TUBG1: variants seen among roughly 807,000 people sequenced by gnomAD.
The protein encoded by TUBG1 is tubulin gamma 1.
In TUBG1, 22 loss-of-function variants were observed where a neutral mutation model predicts 53.3. That is an observed-to-expected ratio of 0.41 (90% CI 0.29 to 0.59). The LOEUF is 0.59. TUBG1 is among the 20% of genes least tolerant of loss of function. The pLI is 0.26. For synonymous variants in TUBG1, 198 were observed against 236.7 expected (o/e 0.84, Z 1.50); for missense variants, 217 against 598.9 (o/e 0.36, Z 6.66).
rs566152592 is a variant in TUBG1, at chr17:42,614,942, T to C, written c.1257T>C (p.Asp419=). 1.2e-6 allele frequency: 2 copies of C among 1,614,198 alleles called. No individual in the cohort carries two copies. The highest frequency in any genetic ancestry group is 2.7e-5 in the African/African-American group (2 of 75,058). The change falls in exon 11 of 11, where the codon GAT becomes GAC. Residue 419 remains aspartate (D), a synonymous_variant. Coordinates refer to ENST00000251413, the MANE Select transcript of TUBG1 (RefSeq NM_001070.5). The surrounding 1 kb of genome is among the most constrained non-coding windows in gnomAD (Gnocchi z 5.1). ...AGGACATGTTCAAGGACAACTTTGA[T>C]GAGATGGACACATCCAGGGAGATTG... The part of the protein sequence containing the change: ...RKEDMFKDNF[D]EMDTSREIVQ...
rs772479503 is a variant in TUBG1, at chr17:42,609,711, G to C, written c.-27G>C. On this transcript the variant is annotated 5_prime_UTR_variant, in exon 1 of 11. Coordinates refer to ENST00000251413, the MANE Select transcript of TUBG1 (RefSeq NM_001070.5). ...GTGCGGCGCCGTTGCGGGCGGGAGC[G>C]GCTGCAACGCCGGTGCCTGAGGAGC... 7.1e-6 allele frequency: 11 copies of C among 1,543,384 alleles called. No individual in the cohort carries two copies. The African/African-American group carries it at 1.4e-4, about 19-fold the overall frequency.
chr17:42,611,965 C>A, intron 3 of TUBG1, 110 bp from the exon 4 acceptor site: 1 of 920,956 alleles, frequency 1.1e-6, no homozygotes, highest in Non-Finnish European at 1.7e-6. Flanking sequence ...GGTAGCTATG[C>A]TCCATAAAAG....
In TUBG1 at chr17:42,612,995, C is replaced by T. The variant is rs143200134; in HGVS notation, c.528C>T (p.Asp176=). 3.1e-6 allele frequency: 5 copies of T among 1,614,138 alleles called. No homozygotes were observed. The highest frequency in any genetic ancestry group is 3.3e-5 in the Admixed American group (2 of 60,008). ...CATACTCAGTGTTTCCCAACCAGGA[C>T]GAGATGAGCGATGTGGTGGTCCAGC... ...VQTYSVFPNQ[D]EMSDVVVQPY... The change falls in exon 6 of 11, where the codon GAC becomes GAT. Residue 176 remains aspartate (D), a synonymous_variant. Transcript: ENST00000251413.
chr17:42,611,955 G>A (rs2052037205), intron 3 of TUBG1, 120 bp from the exon 4 acceptor site: 1 of 814,452 alleles, frequency 1.2e-6, no homozygotes, highest in Non-Finnish European at 2.0e-6. Context: ...GATAAAAGCA[G>A]GTAGCTATGC....
At chr17:42,612,734 A>G (rs1326926813) in intron 5 of TUBG1, among the ~76,000 whole-genome samples, 1 of 152,124 alleles carries the variant, frequency 6.6e-6, no homozygotes, top group African/African-American at 2.4e-5. Context: ...GAGTGTGGCC[A>G]GGTCTCAATT....
rs755266379 is a variant in TUBG1, at chr17:42,612,107, C to T, written c.363C>T (p.Ile121=). ...GEKIHEDIFD[I]IDREADGSDS... ...AGATCCATGAGGACATTTTTGACAT[C>T]ATAGACCGGGAGGCAGATGGTAGTG... The change falls in exon 4 of 11, where the codon ATC becomes ATT. Residue 121 remains isoleucine, a synonymous_variant. Coordinates refer to ENST00000251413, the MANE Select transcript of TUBG1 (RefSeq NM_001070.5). 22 of 1,613,962 alleles carry T rather than the reference C, an allele frequency of 1.4e-5. No homozygotes were observed. The highest frequency in any genetic ancestry group is 1.8e-5 in the Non-Finnish European group (21 of 1,179,976).
chr17:42,614,169 C>T lies in TUBG1; in HGVS notation c.844-91C>T. On this transcript the variant is annotated intron_variant, in intron 8 of 10. Transcript: ENST00000251413. The surrounding 1 kb of genome is among the most constrained non-coding windows in gnomAD (Gnocchi z 5.1). The stretch of plus-strand genomic sequence containing the variant: ...ACTTTCTTGCTGACTTGCTCTCCAC[C>T]CTCCCTCTGCCTTTGGCTTCTGCCA... 2.7e-5 allele frequency: 43 copies of T among 1,598,308 alleles called. No individual in the cohort carries two copies. The highest frequency in any genetic ancestry group is 3.7e-5 in the Non-Finnish European group (43 of 1,170,142).
chr17:42,609,737 G>T lies in TUBG1; in HGVS notation c.-1G>T. Reference sequence around the variant, plus strand: ...GCTGCAACGCCGGTGCCTGAGGAGCGATGCCGAGGGAAATCATCACCCTAC... The same window carrying T: ...GCTGCAACGCCGGTGCCTGAGGAGCTATGCCGAGGGAAATCATCACCCTAC... On this transcript the variant is annotated 5_prime_UTR_variant, in exon 1 of 11. Coordinates refer to ENST00000251413, the MANE Select transcript of TUBG1 (RefSeq NM_001070.5). 1 of 1,550,432 alleles carries T rather than the reference G, an allele frequency of 6.4e-7. No individual in the cohort carries two copies. The highest frequency in any genetic ancestry group is 8.7e-7 in the Non-Finnish European group (1 of 1,146,502).
intron 4 of TUBG1, 31 bp downstream of exon 4, chr17:42,612,174 G>A (rs199948228): frequency 5.6e-5 from 90 of 1,610,592 alleles, no homozygotes; most frequent in Middle Eastern, 1.7e-4. Flanking sequence ...GGTAGGAGCC[G>A]ACATGGGCAA....
At position 42,614,203 on chromosome 17, in the gene TUBG1, C is replaced by G; in HGVS notation, c.844-57C>G. 3.1e-6 allele frequency: 5 copies of G among 1,610,992 alleles called. No individual in the cohort carries two copies. In the South Asian group the frequency reaches 5.5e-5, roughly 18 times the overall value. ...GCCTTTGGCTTCTGCCAAAGAGAAG[C>G]CAAAGGGGGACTGTGCCCTGAGCGC... On this transcript the variant is annotated intron_variant, in intron 8 of 10. Transcript: ENST00000251413. This position sits in a 1 kb window ranked among gnomAD's most constrained non-coding sequence, Gnocchi z 5.1.
chr17:42,610,792 T>C (rs1255195710), intron 3 of TUBG1: 15 of 682,454 alleles, frequency 2.2e-5, no homozygotes, highest in Non-Finnish European at 3.1e-5. Flanking sequence ...GCTTTACATA[T>C]ATTAATTTTT....
chr17:42,610,792 T>A, intron 3 of TUBG1: 1 of 682,570 alleles, frequency 1.5e-6, no homozygotes, highest in Non-Finnish European at 2.3e-6. Flanking sequence ...GCTTTACATA[T>A]ATTAATTTTT....
intron 4 of TUBG1, 30 bp downstream of exon 4, chr17:42,612,173 C>T (rs752067877): frequency 3.6e-5 from 58 of 1,610,706 alleles, no homozygotes; most frequent in South Asian, 7.7e-5. Context: ...TGGTAGGAGC[C>T]GACATGGGCA....
intron 1 of TUBG1, 67 bp downstream of exon 1, chr17:42,609,853 C>G (rs371294007): frequency 3.0e-5 from 45 of 1,518,126 alleles, no homozygotes; most frequent in Admixed American, 6.5e-5. Flanking sequence ...GCTGTGGGAT[C>G]CTGGACTCCA....
Position 42,614,964 on chromosome 17 carries a change from A to T in TUBG1, c.1279A>T (p.Ile427Phe). 6.2e-7 allele frequency: 1 copy of T among 1,614,136 alleles called. No homozygotes were observed. The change falls in exon 11 of 11, where the codon ATT becomes TTT. Residue 427 changes from isoleucine to phenylalanine, a missense_variant. This residue lies in a region of TUBG1 where 25 missense variants were observed against 32.4 expected (regional missense o/e 0.77). Coordinates refer to ENST00000251413, the MANE Select transcript of TUBG1 (RefSeq NM_001070.5). The surrounding 1 kb of genome is among the most constrained non-coding windows in gnomAD (Gnocchi z 5.1). ...TGATGAGATGGACACATCCAGGGAG[A>T]TTGTGCAGCAGCTCATCGATGAGTA... is the stretch of plus-strand genomic sequence containing the variant. ...NFDEMDTSRE[I>F]VQQLIDEYHA...
rs928393135 is a variant in TUBG1, at chr17:42,614,709, C to T, written c.1158+52C>T. 2 of 1,608,978 alleles carry T rather than the reference C, an allele frequency of 1.2e-6. No homozygotes were observed. Among genetic ancestry groups the T allele is most frequent in the African/African-American group, 2.7e-5 (2 of 74,930 alleles). On this transcript the variant is annotated intron_variant, in intron 10 of 10. Coordinates refer to ENST00000251413, the MANE Select transcript of TUBG1 (RefSeq NM_001070.5). The surrounding 1 kb of genome is among the most constrained non-coding windows in gnomAD (Gnocchi z 5.1). Reference sequence around the variant, plus strand: ...TCCCTGAATCAGTTTCCTGACTATACCTCACCTCTCTGCATCTGCTGGCCC... The same window carrying T: ...TCCCTGAATCAGTTTCCTGACTATATCTCACCTCTCTGCATCTGCTGGCCC...
rs1304208194 is a variant in TUBG1 at position 42,609,757 on chromosome 17, C to T, written c.20C>T (p.Thr7Ile). 6.4e-7 allele frequency: 1 copy of T among 1,551,462 alleles called. No homozygotes were observed. The highest frequency in any genetic ancestry group is 1.2e-5 in the South Asian group (1 of 84,050). The change falls in exon 1 of 11, where the codon ACC becomes ATC. Residue 7 changes from threonine (T) to isoleucine (I), a missense_variant. Physicochemically the swap from Thr to Ile is moderately conservative, Grantham distance 89 (BLOSUM62 -1). Around this residue, in one of 4 missense-constraint regions of TUBG1, gnomAD observed 57 missense variants for 169.3 expected, o/e 0.34. Coordinates refer to ENST00000251413, the MANE Select transcript of TUBG1 (RefSeq NM_001070.5). The stretch of plus-strand genomic sequence containing the variant: ...GGAGCGATGCCGAGGGAAATCATCA[C>T]CCTACAGTTGGGCCAGTGCGGCAAT... MPREII[T>I]LQLGQCGNQI...
intron 3 of TUBG1, among the ~76,000 whole-genome samples, chr17:42,611,502 G>A (rs1392709766): frequency 6.6e-6 from 1 of 152,116 alleles, no homozygotes; most frequent in Non-Finnish European, 1.5e-5. Flanking sequence ...TACCTTCATT[G>A]TACAGATGAG....
chr17:42,611,717 A>G (rs1014108067), intron 3 of TUBG1, among the ~76,000 whole-genome samples: 11 of 152,222 alleles, frequency 7.2e-5, no homozygotes, highest in African/African-American at 2.7e-4. Flanking sequence ...ATAGCTGGGC[A>G]TGGTGGCATG....
Sources: gnomAD v4.1 joint callset for allele counts (sites outside exome capture counted in the v4.1 genomes callset) on GRCh38, gnomAD v4.1.1 for gene constraint, gnomAD v4.1.1 regional missense constraint, Gnocchi (gnomAD v3.1) non-coding constraint, MANE v1.5 for transcripts, NCBI Gene and HGNC (gene_info 2026-07-23, HGNC 2026-07-21) for gene names.